The following SLC35A5 variants were observed in gnomAD, a reference collection of about 807,000 sequenced individuals.
The protein encoded by SLC35A5 is solute carrier family 35 member A5, also known as UDP-sugar transporter protein SLC35A5.
Under a neutral mutation model 36.3 loss-of-function variants are expected in SLC35A5, and 28 were observed. That is an observed-to-expected ratio of 0.77 (90% CI 0.57 to 1.06). The LOEUF is 1.06. SLC35A5 is among the 50% of genes least tolerant of loss of function. SLC35A5 has a pLI of 0.00. For missense variants in SLC35A5, 521 were observed against 499.3 expected, an observed-to-expected ratio of 1.04 and a Z score of -0.41; for synonymous variants, 180 against 173.7, an observed-to-expected ratio of 1.04 and a Z score of -0.29.
At chr3:112,570,729 A>ATTT (rs11411476) in intron 4 of SLC35A5, 59 bp downstream of exon 4, 1,632 of 1,177,560 alleles carry the variant, frequency 1.4e-3, no homozygotes, top group Admixed American at 5.1e-3. Flanking sequence ...AAATCCCAGA[A>ATTT]TTTTTTTTTT....
rs867214829 is a variant in SLC35A5, at chr3:112,584,662, A to G, written c.*1926A>G. On this transcript the variant is annotated 3_prime_UTR_variant, in exon 7 of 7. Transcript: ENST00000492406. ...CATGTGCTGGAACTAAAAATGTTCT[A>G]TTCAACCCAGCAATCCCTCTACTGG... is the stretch of plus-strand genomic sequence containing the variant. The G allele has an allele frequency of 6.6e-5, 10 of 152,174 alleles. No individual in the cohort carries two copies. Among genetic ancestry groups the G allele is most frequent in the Admixed American group, 2.0e-4 (3 of 15,270 alleles). 9.4% of individuals were successfully genotyped at this position (152,174 alleles called of 1,614,324 possible).
At chr3:112,582,022 C>G (rs1934952407) in intron 6 of SLC35A5, among the ~76,000 whole-genome samples, 1 of 152,168 alleles carries the variant, frequency 6.6e-6, no homozygotes. Context: ...TTAATGATCT[C>G]TTTGAAGATT....
Position 112,581,148 on chromosome 3 carries a change from C to A in SLC35A5, c.1031C>A (p.Thr344Lys). 1.9e-6 allele frequency: 3 copies of A among 1,614,010 alleles called. No individual in the cohort carries two copies. Among genetic ancestry groups the A allele is most frequent in the Non-Finnish European group, 2.5e-6 (3 of 1,179,946 alleles). ...LMAQVTTVII[T>K]TVSVLVFDFR... ...GCCCAGGTTACCACTGTCATTATCA[C>A]AACAGTGTCTGTCCTGGTCTTTGAC... Residue 344 changes from threonine to lysine, a missense_variant, in exon 6 of 7, where the codon ACA (threonine) becomes AAA (lysine). By Grantham distance (78) the Thr-to-Lys change is moderately conservative. Coordinates refer to ENST00000492406, the MANE Select transcript of SLC35A5 (RefSeq NM_017945.5).
intron 5 of SLC35A5, among the ~76,000 whole-genome samples, chr3:112,575,886 A>G (rs919170283): frequency 6.6e-6 from 1 of 151,186 alleles, no homozygotes; most frequent in South Asian, 2.1e-4. Context: ...CAGCCTCCCA[A>G]GTAGCTGGGA....
intron 2 of SLC35A5, among the ~76,000 whole-genome samples, chr3:112,566,127 T>G (rs1934186599): frequency 6.6e-6 from 1 of 152,188 alleles, no homozygotes; most frequent in Non-Finnish European, 1.5e-5. Flanking sequence ...ATTTGGAGAA[T>G]GTATTGAATA....
At chr3:112,566,093 T>A (rs535751089) in intron 2 of SLC35A5, among the ~76,000 whole-genome samples, 1 of 152,254 alleles carries the variant, frequency 6.6e-6, no homozygotes, top group East Asian at 1.9e-4. Context: ...AAATAAGGAG[T>A]ATTCAGAACA....
chr3:112,563,295 T>A (rs900368901), intron 1 of SLC35A5, 90 bp from the exon 2 acceptor site: 11 of 1,275,008 alleles, frequency 8.6e-6, no homozygotes, highest in African/African-American at 3.0e-5. Context: ...CAAAATTTTT[T>A]AAAAATTCCT....
intron 1 of SLC35A5, among the ~76,000 whole-genome samples, chr3:112,562,840 G>A (rs964676871): frequency 2.6e-5 from 4 of 152,004 alleles, no homozygotes; most frequent in Admixed American, 6.6e-5. Flanking sequence ...GAGGCGGGCG[G>A]ATCACAGTCA....
At position 112,562,259 on chromosome 3, in the gene SLC35A5, G is replaced by C. The variant is rs1361685230; in HGVS notation, c.-34G>C. On this transcript the variant is annotated 5_prime_UTR_variant, in exon 1 of 7. Coordinates refer to ENST00000492406, the MANE Select transcript of SLC35A5 (RefSeq NM_017945.5). The stretch of plus-strand genomic sequence containing the variant: ...TAGGATGTGCGTTCTTCCACTAGAA[G>C]CTCTTCTGAGGGAGGTAACCGCGCC... 2 of 152,600 alleles carry C rather than the reference G, an allele frequency of 1.3e-5. No homozygotes were observed. The highest frequency in any genetic ancestry group is 3.8e-4 in the East Asian group (2 of 5,210). The allele number at this position is 152,600 out of a possible 1,614,324, so 9.5% of individuals were successfully genotyped here. A position where few individuals can be genotyped will look rare whatever the true frequency, so the allele number is the denominator to read the frequency against.
At position 112,570,655 on chromosome 3, in the gene SLC35A5, G is replaced by A. The variant is rs746557019; in HGVS notation, c.345G>A (p.Leu115=). 1 of 1,591,906 alleles carries A rather than the reference G, an allele frequency of 6.3e-7. No individual in the cohort carries two copies. ...FLDNLIVFYV[L]SYLQPAMAVI... ...ATAACTTGATTGTCTTCTATGTCCT[G>A]TCCTATCTTCAACCAGTAAGTAAAT... Residue 115 remains leucine (L), a synonymous_variant, in exon 4 of 7, where the codon CTG becomes CTA. Coordinates refer to ENST00000492406, the MANE Select transcript of SLC35A5 (RefSeq NM_017945.5).
intron 2 of SLC35A5, among the ~76,000 whole-genome samples, chr3:112,568,231 A>G (rs1392455552): frequency 6.6e-6 from 1 of 152,242 alleles, no homozygotes; most frequent in African/African-American, 2.4e-5. Flanking sequence ...GTCAAGGGAA[A>G]CCACAGGAGA....
upstream of SLC35A5, chr3:112,561,819 T>A (rs1440680680): frequency 7.1e-6 from 3 of 421,920 alleles, no homozygotes; most frequent in African/African-American, 6.5e-5. Flanking sequence ...AAGGGAGACC[T>A]GAGGTGAGAA....
chr3:112,561,430 G>C (rs1413161739), upstream of SLC35A5: 4 of 1,609,440 alleles, frequency 2.5e-6, no homozygotes, highest in East Asian at 6.7e-5. Context: ...GTGCCTGACA[G>C]CTCCCGGCAA....
At position 112,583,211 on chromosome 3, in the gene SLC35A5, A is replaced by C. The variant is rs1221887190; in HGVS notation, c.*475A>C. ...GATAGTCATTTTGCAAGTAAAGAGCAACGGGACCCTTTCTAAAAACGTTGG... is the reference window on the plus strand; with the variant it reads ...GATAGTCATTTTGCAAGTAAAGAGCCACGGGACCCTTTCTAAAAACGTTGG... On this transcript the variant is annotated 3_prime_UTR_variant, in exon 7 of 7. Coordinates refer to ENST00000492406, the MANE Select transcript of SLC35A5 (RefSeq NM_017945.5). 1 of 397,638 alleles carries C rather than the reference A, an allele frequency of 2.5e-6. No individual in the cohort carries two copies. The highest frequency in any genetic ancestry group is 4.4e-6 in the Non-Finnish European group (1 of 225,488). 24.6% of individuals were successfully genotyped at this position (397,638 alleles called of 1,614,324 possible).
intron 4 of SLC35A5, among the ~76,000 whole-genome samples, chr3:112,571,814 T>TG (rs547334661): frequency 1.8e-3 from 281 of 152,022 alleles, no homozygotes; most frequent in Middle Eastern, 3.4e-3. Flanking sequence ...TATCTCCACC[T>TG]GGCTTGGCCC....
At position 112,580,683 on chromosome 3, in the gene SLC35A5, C is replaced by T; in HGVS notation, c.566C>T (p.Ser189Phe). The T allele has an allele frequency of 6.2e-7, 1 of 1,614,120 alleles. No individual in the cohort carries two copies. Residue 189 changes from serine (S) to phenylalanine (F), a missense_variant, in exon 6 of 7, where the codon TCC becomes TTC. Ser to Phe is a radical substitution (Grantham distance 155). Transcript: ENST00000492406. ...GFHHDAFFSPSNSCLLFRSEC... is the reference protein window; with the variant it reads ...GFHHDAFFSPFNSCLLFRSEC... Reference sequence around the variant, plus strand: ...CATCACGATGCCTTTTTCAGCCCTTCCAATTCCTGCCTTCTTTTCAGAAGT... The same window carrying T: ...CATCACGATGCCTTTTTCAGCCCTTTCAATTCCTGCCTTCTTTTCAGAAGT...
chr3:112,565,202 A>C (rs1404090091), intron 2 of SLC35A5, among the ~76,000 whole-genome samples: 1 of 152,200 alleles, frequency 6.6e-6, no homozygotes, highest in African/African-American at 2.4e-5. Flanking sequence ...CATGAATGTA[A>C]ACACATCATG....
intron 4 of SLC35A5, among the ~76,000 whole-genome samples, chr3:112,571,744 T>G (rs1164413268): frequency 6.6e-6 from 1 of 152,066 alleles, no homozygotes; most frequent in Non-Finnish European, 1.5e-5. Context: ...CCGTCAGATC[T>G]CATGAGACTT....
intron 5 of SLC35A5, among the ~76,000 whole-genome samples, chr3:112,577,603 A>C (rs1489642758): frequency 7.9e-5 from 12 of 152,380 alleles, no homozygotes; most frequent in Non-Finnish European, 2.9e-5. Context: ...AGGATAACCA[A>C]GACCAGCACT....
Sources: gnomAD v4.1 joint callset for allele counts (sites outside exome capture counted in the v4.1 genomes callset) on GRCh38, gnomAD v4.1.1 for gene constraint, MANE v1.5 for transcripts, NCBI Gene and HGNC (gene_info 2026-07-23, HGNC 2026-07-21) for gene names.